SRPK2: variants seen among roughly 807,000 people sequenced by gnomAD.
The protein encoded by SRPK2 is SRSF protein kinase 2, also known as SFRS protein kinase 2.
Under a neutral mutation model 90.8 loss-of-function variants are expected in SRPK2, and 21 were observed. The ratio of observed to expected loss-of-function variants is 0.23; its 90% CI spans 0.16 to 0.33. The LOEUF (loss-of-function observed/expected upper bound fraction) is 0.33, where lower values mean the gene tolerates loss of function less well. Ranked by LOEUF, SRPK2 falls within the 10% of genes least tolerant of loss-of-function variation. The probability of loss-of-function intolerance (pLI) is 1.00; values close to 1 mark genes in which losing one functional copy is unlikely to be tolerated. For synonymous variants in SRPK2, 288 were observed against 311.1 expected, an observed-to-expected ratio of 0.93 and a Z score of 0.78; for missense variants, 620 against 869.0, an observed-to-expected ratio of 0.71 and a Z score of 3.60.
At chr7:105,174,233 A>T (rs943618913) in intron 3 of SRPK2, among the ~76,000 whole-genome samples, 1 of 152,164 alleles carries the variant, frequency 6.6e-6, no homozygotes, top group Non-Finnish European at 1.5e-5. Flanking sequence ...ACCTATGCTA[A>T]TAAGAAGACT....
intron 2 of SRPK2, among the ~76,000 whole-genome samples, chr7:105,262,568 G>A (rs894644370): frequency 1.3e-5 from 2 of 152,194 alleles, no homozygotes; most frequent in African/African-American, 4.8e-5. Context: ...TTTTGCTACT[G>A]AAACCAAGTC....
chr7:105,320,333 T>C (rs987626248), intron 2 of SRPK2, among the ~76,000 whole-genome samples: 16 of 152,172 alleles, frequency 1.1e-4, no homozygotes, highest in African/African-American at 3.9e-4. Context: ...AGTTTAATCA[T>C]TTGGAAGAGG....
intron 2 of SRPK2, among the ~76,000 whole-genome samples, chr7:105,270,945 G>C (rs1166304356): frequency 1.3e-5 from 2 of 152,146 alleles, no homozygotes; most frequent in African/African-American, 4.8e-5. Flanking sequence ...TACCAGGCCT[G>C]TCCAATGTTA....
chr7:105,212,306 G>A (rs1165003899), intron 2 of SRPK2, among the ~76,000 whole-genome samples: 2 of 152,156 alleles, frequency 1.3e-5, no homozygotes, highest in Non-Finnish European at 2.9e-5. Flanking sequence ...AGCACTGAGG[G>A]GTGTACAGTC....
intron 2 of SRPK2, among the ~76,000 whole-genome samples, chr7:105,292,577 C>T (rs1271801790): frequency 6.7e-6 from 1 of 150,032 alleles, no homozygotes; most frequent in East Asian, 2.0e-4. Flanking sequence ...ATTGGCACTA[C>T]TCAGATATTC....
intron 2 of SRPK2, among the ~76,000 whole-genome samples, chr7:105,270,272 G>A (rs981519427): frequency 1.3e-5 from 2 of 152,202 alleles, no homozygotes; most frequent in Non-Finnish European, 2.9e-5. Context: ...TATAGCTGGG[G>A]TGGTGCTGAG....
chr7:105,336,139 T>C (rs1168543469), intron 2 of SRPK2, among the ~76,000 whole-genome samples: 1 of 152,226 alleles, frequency 6.6e-6, no homozygotes, highest in African/African-American at 2.4e-5. Flanking sequence ...GATATTGATT[T>C]GTTGCCACCT....
At chr7:105,319,079 T>C (rs1341028045) in intron 2 of SRPK2, among the ~76,000 whole-genome samples, 3 of 152,208 alleles carry the variant, frequency 2.0e-5, no homozygotes, top group South Asian at 2.1e-4. Flanking sequence ...ATTAAATCTG[T>C]TGCATCTTTT....
At chr7:105,355,700 TA>T (rs1585859077) in intron 2 of SRPK2, among the ~76,000 whole-genome samples, 1 of 151,874 alleles carries the variant, frequency 6.6e-6, no homozygotes, top group South Asian at 2.1e-4. Context: ...AACAAATAAC[TA>T]AACGTCAAGC....
chr7:105,248,668 C>T (rs1802052693), intron 2 of SRPK2, among the ~76,000 whole-genome samples: 1 of 152,010 alleles, frequency 6.6e-6, no homozygotes, highest in Admixed American at 6.6e-5. Context: ...AGTCCGGGCG[C>T]GATGGCTCAC....
chr7:105,190,100 A>G (rs1235589926), intron 3 of SRPK2, among the ~76,000 whole-genome samples: 2 of 152,188 alleles, frequency 1.3e-5, no homozygotes, highest in African/African-American at 4.8e-5. Flanking sequence ...CAGGAGCAGG[A>G]AGGAGGATCA....
chr7:105,125,821 T>C (rs757511381), intron 15 of SRPK2: 417 of 1,292,772 alleles, frequency 3.2e-4, no homozygotes, highest in Non-Finnish European at 4.1e-4. Flanking sequence ...TTCCCCAACA[T>C]AGCGTATTTT....
At chr7:105,319,504 C>CGGGGGGGGGGGGGGGGGGG (rs796955446) in intron 2 of SRPK2, among the ~76,000 whole-genome samples, 1 of 5,286 alleles carries the variant, frequency 1.9e-4, no homozygotes, top group Non-Finnish European at 9.3e-4. Flanking sequence ...GCACTTGCGG[C>CGGGGGGGGGGGGGGGGGGG]GGGGGGGGGG....
At chr7:105,339,084 C>A (rs1815446868) in intron 2 of SRPK2, among the ~76,000 whole-genome samples, 1 of 152,128 alleles carries the variant, frequency 6.6e-6, no homozygotes, top group South Asian at 2.1e-4. Flanking sequence ...TTGTATTTTA[C>A]AAAGTTTTGA....
intron 3 of SRPK2, among the ~76,000 whole-genome samples, chr7:105,170,907 GAAAGAAA>G (rs1790904070): frequency 1.2e-5 from 1 of 84,610 alleles, no homozygotes; most frequent in Non-Finnish European, 2.4e-5. Context: ...AAGAAAGAAA[GAAAGAAA>G]GGAGAAAGAA....
chr7:105,155,506 A>C (rs1309760209), intron 7 of SRPK2, among the ~76,000 whole-genome samples: 1 of 152,200 alleles, frequency 6.6e-6, no homozygotes, highest in Non-Finnish European at 1.5e-5. Flanking sequence ...AAGTTCAGAG[A>C]TATTTCTAAT....
At chr7:105,391,155 T>G (rs574123780), upstream of SRPK2, among the ~76,000 whole-genome samples, 2 of 152,148 alleles carry the variant, frequency 1.3e-5, no homozygotes, top group South Asian at 4.1e-4. Context: ...AATGAGCTAC[T>G]ACTTCACACC....
At chr7:105,257,967 C>T (rs928791947) in intron 2 of SRPK2, among the ~76,000 whole-genome samples, 2 of 151,826 alleles carry the variant, frequency 1.3e-5, no homozygotes, top group African/African-American at 2.4e-5. Context: ...GTTAGCCAGG[C>T]GTGGTGGCAC....
intron 7 of SRPK2, among the ~76,000 whole-genome samples, chr7:105,150,260 T>C (rs558673071): frequency 1.3e-4 from 20 of 152,374 alleles, no homozygotes; most frequent in Admixed American, 4.6e-4. Context: ...AGCCTTGCCT[T>C]GTAATCCCAG....
Sources: gnomAD v4.1 joint callset for allele counts (sites outside exome capture counted in the v4.1 genomes callset) on GRCh38, gnomAD v4.1.1 for gene constraint, MANE v1.5 for transcripts, NCBI Gene and HGNC (gene_info 2026-07-23, HGNC 2026-07-21) for gene names.